TEK: variants seen among roughly 807,000 people sequenced by gnomAD.
The protein encoded by TEK is TEK receptor tyrosine kinase.
Under a neutral mutation model 131.8 loss-of-function variants are expected in TEK, and 43 were observed. The observed-to-expected ratio is 0.33, with a 90% CI of 0.26 to 0.42. The LOEUF (loss-of-function observed/expected upper bound fraction) is 0.42. Ranked by LOEUF, TEK falls within the 10% of genes least tolerant of loss-of-function variation. The pLI is 1.00. For synonymous variants in TEK, 580 were observed against 491.6 expected (o/e 1.18, Z -2.38); for missense variants, 1,162 against 1,384.4 (o/e 0.84, Z 2.55).
intron 1 of TEK, among the ~76,000 whole-genome samples, chr9:27,154,893 A>C (rs926892936): frequency 6.6e-6 from 1 of 152,224 alleles, no homozygotes. Context: ...AAGGAGCAAG[A>C]GGAAAAAGAA....
intron 6 of TEK, among the ~76,000 whole-genome samples, chr9:27,175,211 C>T (rs1824118854): frequency 6.9e-6 from 1 of 144,296 alleles, no homozygotes; most frequent in African/African-American, 2.6e-5. Context: ...CTGTTCAATT[C>T]CCATCTATGA....
At chr9:27,213,352 A>C in intron 17 of TEK, 132 bp from the exon 18 acceptor site, 1 of 667,932 alleles carries the variant, frequency 1.5e-6, no homozygotes, top group South Asian at 1.6e-5. Flanking sequence ...TTTGGAGGGG[A>C]ACTTTAAGGG....
At position 27,212,697 on chromosome 9, in the gene TEK, T is replaced by C; in HGVS notation, c.2687-10T>C. On this transcript the variant is annotated splice_polypyrimidine_tract_variant and intron_variant, in intron 16 of 22. Coordinates refer to ENST00000380036, the MANE Select transcript of TEK (RefSeq NM_000459.5). ...CACTGATGAGTCGATGCTCTCTTCCTTCCCTCCAGGCTACTTGTACCTGGC... is the reference window on the plus strand; with the variant it reads ...CACTGATGAGTCGATGCTCTCTTCCCTCCCTCCAGGCTACTTGTACCTGGC... 1 of 1,614,082 alleles carries C rather than the reference T, an allele frequency of 6.2e-7. No homozygotes were observed. The highest frequency in any genetic ancestry group is 8.5e-7 in the Non-Finnish European group (1 of 1,179,976).
At chr9:27,140,615 CAT>C (rs1188658603) in intron 1 of TEK, among the ~76,000 whole-genome samples, 2 of 151,820 alleles carry the variant, frequency 1.3e-5, no homozygotes, top group South Asian at 2.1e-4. Context: ...ATTATAAAGA[CAT>C]ATATCTTATA....
chr9:27,165,884 G>A (rs1429837080), intron 2 of TEK, among the ~76,000 whole-genome samples: 2 of 152,222 alleles, frequency 1.3e-5, no homozygotes, highest in Non-Finnish European at 2.9e-5. Context: ...GCTAGGATCC[G>A]CAGGCACAGC....
At chr9:27,190,472 A>G in intron 9 of TEK, 57 bp from the exon 10 acceptor site, 1 of 1,607,394 alleles carries the variant, frequency 6.2e-7, no homozygotes, top group Non-Finnish European at 8.5e-7. Context: ...TCTACCTAAG[A>G]ACAATCACAA....
intron 21 of TEK, among the ~76,000 whole-genome samples, chr9:27,224,957 C>G (rs576436156): frequency 2.0e-4 from 31 of 152,182 alleles, no homozygotes; most frequent in Non-Finnish European, 3.5e-4. Flanking sequence ...TTCCTATACA[C>G]CAATAGCAGA....
At chr9:27,126,714 C>A (rs1822003307) in intron 1 of TEK, among the ~76,000 whole-genome samples, 1 of 152,164 alleles carries the variant, frequency 6.6e-6, no homozygotes, top group South Asian at 2.1e-4. Flanking sequence ...CTTTTAAGGA[C>A]ATTTCTGACA....
At chr9:27,171,692 G>C (rs917773878) in intron 4 of TEK, among the ~76,000 whole-genome samples, 1 of 152,094 alleles carries the variant, frequency 6.6e-6, no homozygotes, top group Non-Finnish European at 1.5e-5. Flanking sequence ...TCTATTAAAT[G>C]TCAGAGCAGC....
intron 1 of TEK, among the ~76,000 whole-genome samples, chr9:27,138,160 CAA>C (rs1709974429): frequency 6.6e-6 from 1 of 152,152 alleles, no homozygotes; most frequent in Non-Finnish European, 1.5e-5. Context: ...AGTGCAGACC[CAA>C]AGAGTGAGCA....
Position 27,212,906 on chromosome 9 carries a change from G to C in TEK, c.2877+9G>C, listed in dbSNP as rs757720414. 11 of 1,612,962 alleles carry C rather than the reference G, an allele frequency of 6.8e-6. No homozygotes were observed. The Admixed American group carries it at 1.8e-4, about 27-fold the overall frequency. ...ACTTGAGCCAAAAACAGGTTTGTCC[G>C]GAGGACTTCGCTTTGGATATCTTTC... On this transcript the variant is annotated intron_variant, in intron 17 of 22. Transcript: ENST00000380036.
chr9:27,174,504 T>G (rs1027810977), intron 6 of TEK, among the ~76,000 whole-genome samples: 2 of 152,262 alleles, frequency 1.3e-5, no homozygotes, highest in Admixed American at 6.5e-5. Context: ...GAAAAAAGTA[T>G]TAATGAGATA....
intron 13 of TEK, 64 bp downstream of exon 13, chr9:27,203,183 C>A: frequency 1.3e-6 from 2 of 1,563,344 alleles, no homozygotes; most frequent in South Asian, 1.1e-5. Flanking sequence ...GCTGGTTTAT[C>A]AGGACAGGCC....
At chr9:27,120,059 A>G (rs939367400) in intron 1 of TEK, among the ~76,000 whole-genome samples, 2 of 152,288 alleles carry the variant, frequency 1.3e-5, no homozygotes, top group South Asian at 2.1e-4. Context: ...TCTGGGGTTG[A>G]TTTAAACATC....
chr9:27,215,245 C>T (rs935115377), intron 18 of TEK, among the ~76,000 whole-genome samples: 1 of 152,128 alleles, frequency 6.6e-6, no homozygotes, highest in African/African-American at 2.4e-5. Context: ...GGTCTCAACT[C>T]TATCTTACAA....
intron 11 of TEK, among the ~76,000 whole-genome samples, chr9:27,194,380 G>A (rs1235774639): frequency 1.3e-5 from 2 of 152,106 alleles, no homozygotes; most frequent in Non-Finnish European, 2.9e-5. Context: ...AGACTCAAAA[G>A]CTACTCTGAG....
At chr9:27,110,559 G>C (rs1016954948) in intron 1 of TEK, among the ~76,000 whole-genome samples, 1 of 152,070 alleles carries the variant, frequency 6.6e-6, no homozygotes, top group African/African-American at 2.4e-5. Flanking sequence ...AACGAAAATC[G>C]AATTGATATT....
At chr9:27,164,735 T>C (rs1823666634) in intron 2 of TEK, among the ~76,000 whole-genome samples, 1 of 152,108 alleles carries the variant, frequency 6.6e-6, no homozygotes, top group Non-Finnish European at 1.5e-5. Context: ...GGGGTCTCAC[T>C]GTGTTGCCTA....
At position 27,220,126 on chromosome 9, in the gene TEK, C is replaced by CTGAACTGTG; in HGVS notation, c.3182_3190dup (p.Cys1063_Asp1064insValAsnCys). The CTGAACTGTG allele has an allele frequency of 6.2e-7, 1 of 1,613,916 alleles. No individual in the cohort carries two copies. The highest frequency in any genetic ancestry group is 8.5e-7 in the Non-Finnish European group (1 of 1,179,956). ...CCAGGGCTACAGACTGGAGAAGCCCCTGAACTGTGATGATGAGGTGTAAGT... is the reference window on the plus strand; with the variant it reads ...CCAGGGCTACAGACTGGAGAAGCCCCTGAACTGTGTGAACTGTGATGATGAGGTGTAAGT... On this transcript the variant is annotated inframe_insertion, in exon 21 of 23. Coordinates refer to ENST00000380036, the MANE Select transcript of TEK (RefSeq NM_000459.5).
Sources: gnomAD v4.1 joint callset for allele counts (sites outside exome capture counted in the v4.1 genomes callset) on GRCh38, gnomAD v4.1.1 for gene constraint, MANE v1.5 for transcripts, NCBI Gene and HGNC (gene_info 2026-07-23, HGNC 2026-07-21) for gene names.